TMEM132C: variants seen among roughly 807,000 people sequenced by gnomAD.
TMEM132C encodes the protein transmembrane protein 132C.
TMEM132C carries 29 observed loss-of-function variants against 61.4 expected under a neutral mutation model. That is an observed-to-expected ratio of 0.47 (90% CI 0.35 to 0.64). The LOEUF is 0.64. Ranked by LOEUF, TMEM132C falls within the 30% of genes least tolerant of loss-of-function variation. TMEM132C has a pLI of 0.00. For missense variants in TMEM132C, 1,408 were observed against 1,476.9 expected, an observed-to-expected ratio of 0.95 and a Z score of 0.76; for synonymous variants, 656 against 633.1, an observed-to-expected ratio of 1.04 and a Z score of -0.54.
At chr12:128,273,423 T>G (rs1274236759) in intron 1 of TMEM132C, among the ~76,000 whole-genome samples, 1 of 152,088 alleles carries the variant, frequency 6.6e-6, no homozygotes, top group Non-Finnish European at 1.5e-5. Flanking sequence ...ACTTTTAACT[T>G]ATGTCTCTAT....
intron 4 of TMEM132C, among the ~76,000 whole-genome samples, chr12:128,635,462 C>CTTTTTTTTTTTTTTTTTTTTTTTTTT (rs372811916): frequency 1.5e-5 from 2 of 130,438 alleles, no homozygotes; most frequent in African/African-American, 2.7e-5. Flanking sequence ...TGAGTTTTTT[C>CTTTTTTTTTTTTTTTTTTTTTTTTTT]TTTTTTTTTT....
At chr12:128,532,640 C>CAAAAAAAAAA (rs61283555) in intron 2 of TMEM132C, among the ~76,000 whole-genome samples, 1 of 67,172 alleles carries the variant, frequency 1.5e-5, no homozygotes, top group Non-Finnish European at 2.5e-5. Flanking sequence ...GACTCCATCT[C>CAAAAAAAAAA]AAAAAAAAAA....
chr12:128,276,922 A>G (rs1566039196), intron 1 of TMEM132C, among the ~76,000 whole-genome samples: 1 of 150,988 alleles, frequency 6.6e-6, no homozygotes. Flanking sequence ...ACACAATTCT[A>G]GGCTAGTTTC....
chr12:128,376,610 A>C (rs1190309503), intron 1 of TMEM132C, among the ~76,000 whole-genome samples: 1 of 152,226 alleles, frequency 6.6e-6, no homozygotes, highest in Non-Finnish European at 1.5e-5. Flanking sequence ...TAAAAGATGG[A>C]TCCAAATATG....
chr12:128,676,683 C>T (rs1954591196), intron 5 of TMEM132C, among the ~76,000 whole-genome samples: 1 of 152,082 alleles, frequency 6.6e-6, no homozygotes, highest in Non-Finnish European at 1.5e-5. Flanking sequence ...TACACGCTCA[C>T]ACACATGTGT....
intron 2 of TMEM132C, among the ~76,000 whole-genome samples, chr12:128,458,621 C>T (rs150537173): frequency 3.3e-5 from 5 of 152,254 alleles, no homozygotes; most frequent in African/African-American, 9.6e-5. Context: ...CATCCCTTCA[C>T]ATAAAAGCCG....
chr12:128,594,367 C>A (rs1875870782), intron 3 of TMEM132C, among the ~76,000 whole-genome samples: 1 of 151,774 alleles, frequency 6.6e-6, no homozygotes, highest in Admixed American at 6.6e-5. Flanking sequence ...CCCTGCCCCC[C>A]AACCCCACAC....
intron 2 of TMEM132C, among the ~76,000 whole-genome samples, chr12:128,529,268 A>G (rs1377070332): frequency 2.6e-5 from 4 of 152,126 alleles, no homozygotes; most frequent in African/African-American, 9.7e-5. Flanking sequence ...CCCCATCAGC[A>G]TTCTTGCCTA....
intron 1 of TMEM132C, among the ~76,000 whole-genome samples, chr12:128,395,417 G>T (rs773627357): frequency 4.6e-5 from 7 of 152,120 alleles, no homozygotes; most frequent in Non-Finnish European, 7.3e-5. Flanking sequence ...TTTGTTGGAG[G>T]TGGCAATGTG....
intron 3 of TMEM132C, among the ~76,000 whole-genome samples, chr12:128,599,932 C>G (rs565114812): frequency 1.8e-4 from 28 of 152,246 alleles, no homozygotes; most frequent in South Asian, 8.3e-4. Flanking sequence ...CTGCTGTTCT[C>G]GTGACAGGGA....
intron 1 of TMEM132C, among the ~76,000 whole-genome samples, chr12:128,392,971 T>G (rs1874817763): frequency 6.6e-6 from 1 of 152,184 alleles, no homozygotes; most frequent in Admixed American, 6.5e-5. Context: ...GAGGCATAGA[T>G]GTATCAAGGT....
chr12:128,672,156 A>T (rs1954538447), intron 5 of TMEM132C, among the ~76,000 whole-genome samples: 1 of 152,040 alleles, frequency 6.6e-6, no homozygotes, highest in African/African-American at 2.4e-5. Flanking sequence ...AGTCTTTGAA[A>T]TCTAGTATGT....
intron 1 of TMEM132C, among the ~76,000 whole-genome samples, chr12:128,289,433 G>A (rs929336033): frequency 6.6e-6 from 1 of 152,168 alleles, no homozygotes; most frequent in Non-Finnish European, 1.5e-5. Flanking sequence ...ACATCTATTT[G>A]CGTGACTAAC....
chr12:128,387,992 T>C (rs1874640483), intron 1 of TMEM132C, among the ~76,000 whole-genome samples: 1 of 152,172 alleles, frequency 6.6e-6, no homozygotes, highest in Non-Finnish European at 1.5e-5. Context: ...TGGCAGAGCT[T>C]AGAAATGTCC....
chr12:128,407,896 T>G (rs1291844598), intron 1 of TMEM132C, among the ~76,000 whole-genome samples: 1 of 152,158 alleles, frequency 6.6e-6, no homozygotes, highest in Non-Finnish European at 1.5e-5. Flanking sequence ...TTTTAATTGC[T>G]CTTCTATTGT....
intron 3 of TMEM132C, among the ~76,000 whole-genome samples, chr12:128,578,081 A>G (rs1875186570): frequency 6.6e-6 from 1 of 152,238 alleles, no homozygotes; most frequent in African/African-American, 2.4e-5. Context: ...AAACTGTATC[A>G]TTTGCCATAA....
Position 128,669,465 on chromosome 12 carries a change from A to G in TMEM132C, c.1354A>G (p.Met452Val), listed in dbSNP as rs1381435198. ...CGTACTCACAGGAAAGACAGTTGCC[A>G]TGCCTATCAAGGTGGTCTCTGTGGA... ...TAVLTGKTVA[M>V]PIKVVSVEEN... Residue 452 changes from methionine (M) to valine (V), a missense_variant, in exon 5 of 9, where the codon ATG (methionine) becomes GTG (valine). Coordinates refer to ENST00000435159, the MANE Select transcript of TMEM132C (RefSeq NM_001136103.3). The G allele has an allele frequency of 6.4e-7, 1 of 1,551,688 alleles. No homozygotes were observed. Among genetic ancestry groups the G allele is most frequent in the Admixed American group, 2.0e-5 (1 of 51,008 alleles).
At chr12:128,457,750 G>A (rs1870395069) in intron 2 of TMEM132C, among the ~76,000 whole-genome samples, 1 of 152,114 alleles carries the variant, frequency 6.6e-6, no homozygotes, top group South Asian at 2.1e-4. Flanking sequence ...AAAGGTCCAA[G>A]AGAAATGGGC....
chr12:128,585,831 T>C (rs1214233570), intron 3 of TMEM132C, among the ~76,000 whole-genome samples: 1 of 151,982 alleles, frequency 6.6e-6, no homozygotes, highest in Admixed American at 6.6e-5. Flanking sequence ...CAGAGATAAT[T>C]AGAGTGGTCA....
Sources: allele counts gnomAD v4.1 joint callset (sites outside exome capture counted in the v4.1 genomes callset), GRCh38; gene constraint gnomAD v4.1.1; transcripts MANE v1.5; gene names NCBI Gene and HGNC (gene_info 2026-07-23, HGNC 2026-07-21).